The following TTLL6 variants were observed in gnomAD, a reference collection of about 807,000 sequenced individuals.
TTLL6 encodes tubulin tyrosine ligase like 6.
TTLL6 carries 75 observed loss-of-function variants against 96.4 expected under a neutral mutation model. That is an observed-to-expected ratio of 0.78 (90% CI 0.65 to 0.94). The LOEUF is 0.94. Among genes scored for constraint, TTLL6 ranks in the 40% least tolerant of loss-of-function variants. TTLL6 has a pLI of 0.00. For missense variants in TTLL6, 1,030 were observed against 1,093.0 expected (o/e 0.94, Z 0.81); for synonymous variants, 411 against 419.4 (o/e 0.98, Z 0.24).
intron 1 of TTLL6, among the ~76,000 whole-genome samples, chr17:48,805,488 T>C (rs1009170608): frequency 2.0e-5 from 3 of 152,276 alleles, no homozygotes; most frequent in Admixed American, 1.3e-4. Flanking sequence ...AATGTGTAGC[T>C]GATTGAACAA....
intron 15 of TTLL6, among the ~76,000 whole-genome samples, chr17:48,763,927 G>A (rs2038539776): frequency 6.6e-6 from 1 of 152,128 alleles, no homozygotes; most frequent in Non-Finnish European, 1.5e-5. Context: ...TCGCGCCACT[G>A]CACTCCAGCC....
At chr17:48,774,108 A>AAAAAAAAAAAC (rs2038814796) in intron 13 of TTLL6, among the ~76,000 whole-genome samples, 1 of 130,490 alleles carries the variant, frequency 7.7e-6, no homozygotes, top group Non-Finnish European at 1.6e-5. Flanking sequence ...AAAAAAAAAA[A>AAAAAAAAAAAC]AAAACAAGAA....
At chr17:48,811,902 T>C (rs2039598113) in intron 1 of TTLL6, among the ~76,000 whole-genome samples, 1 of 152,164 alleles carries the variant, frequency 6.6e-6, no homozygotes, top group Non-Finnish European at 1.5e-5. Flanking sequence ...GGTTTTGCCA[T>C]GTTGGCCAGG....
At chr17:48,793,525 G>A (rs952614187) in intron 8 of TTLL6, among the ~76,000 whole-genome samples, 6 of 151,470 alleles carry the variant, frequency 4.0e-5, no homozygotes, top group Admixed American at 2.6e-4. Flanking sequence ...TCCGGGAGTC[G>A]AAACTTTTGC....
intron 9 of TTLL6, 44 bp from the exon 10 acceptor site, chr17:48,790,150 T>A: frequency 6.2e-7 from 1 of 1,602,698 alleles, no homozygotes; most frequent in South Asian, 1.1e-5. Context: ...CCGTCCAGAA[T>A]GAAAGCAGAG....
chr17:48,791,670 T>TGGAAAC (rs1381031375), intron 8 of TTLL6, 67 bp from the exon 9 acceptor site: 1 of 1,373,642 alleles, frequency 7.3e-7, no homozygotes, highest in Non-Finnish European at 1.0e-6. Flanking sequence ...CATGGCATGC[T>TGGAAAC]GGAAACCAGA....
chr17:48,777,857 G>A (rs2038908596), intron 13 of TTLL6, among the ~76,000 whole-genome samples: 1 of 152,180 alleles, frequency 6.6e-6, no homozygotes, highest in Admixed American at 6.5e-5. Context: ...GTTGCAGTGA[G>A]CCGAGACTGT....
chr17:48,780,379 A>G (rs936908603), intron 13 of TTLL6, among the ~76,000 whole-genome samples: 1 of 152,178 alleles, frequency 6.6e-6, no homozygotes, highest in African/African-American at 2.4e-5. Flanking sequence ...TAAATGGGAA[A>G]ACTGAGGTTT....
intron 10 of TTLL6, among the ~76,000 whole-genome samples, chr17:48,788,835 C>T (rs1215552043): frequency 6.6e-6 from 1 of 152,228 alleles, no homozygotes; most frequent in African/African-American, 2.4e-5. Flanking sequence ...CTGAGAAACA[C>T]TGTGCCATCC....
intron 1 of TTLL6, among the ~76,000 whole-genome samples, chr17:48,808,074 G>A (rs1197641731): frequency 6.6e-6 from 1 of 151,928 alleles, no homozygotes; most frequent in Non-Finnish European, 1.5e-5. Flanking sequence ...TCCTGACCTC[G>A]TGATCCGCCT....
Position 48,817,153 on chromosome 17 carries a change from C to T in TTLL6, c.-81G>A. The stretch of plus-strand genomic sequence containing the variant: ...CGGCCCTCATATTTGCATACGGGGC[C>T]TTCTAGGCCTTCGATTGGCCCCTGC... On this transcript the variant is annotated 5_prime_UTR_variant, in exon 1 of 16. Coordinates refer to ENST00000393382, the MANE Select transcript of TTLL6 (RefSeq NM_001130918.3). 1 of 1,008,106 alleles carries T rather than the reference C, an allele frequency of 9.9e-7. No homozygotes were observed. The highest frequency in any genetic ancestry group is 1.4e-6 in the Non-Finnish European group (1 of 707,276). 62.4% of individuals were successfully genotyped at this position (1,008,106 alleles called of 1,614,324 possible).
intron 1 of TTLL6, among the ~76,000 whole-genome samples, chr17:48,810,995 C>G (rs1243718508): frequency 6.7e-6 from 1 of 149,716 alleles, no homozygotes; most frequent in Non-Finnish European, 1.5e-5. Context: ...CCAGTCTGCC[C>G]CAATGCCCAA....
At position 48,816,997 on chromosome 17, in the gene TTLL6, C is replaced by T; in HGVS notation, c.76G>A (p.Gly26Arg). 1.9e-6 allele frequency: 3 copies of T among 1,541,250 alleles called. No individual in the cohort carries two copies. In the Admixed American group the frequency reaches 6.0e-5, roughly 31 times the overall value. ...VVASWTSSPA[G>R]RDGGVGIAGA... The stretch of plus-strand genomic sequence containing the variant: ...GCAATTCCTACTCCCCCGTCTCGCC[C>T]CGCTGGGCTGCTAGTCCAGCTTGCA... The change falls in exon 1 of 16, where the codon GGG becomes AGG. Residue 26 changes from glycine to arginine, a missense_variant. Coordinates refer to ENST00000393382, the MANE Select transcript of TTLL6 (RefSeq NM_001130918.3).
chr17:48,814,283 C>T (rs1407472864), intron 1 of TTLL6, among the ~76,000 whole-genome samples: 1 of 148,208 alleles, frequency 6.7e-6, no homozygotes, highest in Non-Finnish European at 1.5e-5. Context: ...CGCACCACTG[C>T]CCTCCAGTCT....
chr17:48,809,175 A>G (rs2039545615), intron 1 of TTLL6, among the ~76,000 whole-genome samples: 1 of 152,180 alleles, frequency 6.6e-6, no homozygotes, highest in Non-Finnish European at 1.5e-5. Context: ...GCTGCCACTT[A>G]TAGGCAAGAC....
rs1387714791 is a variant in TTLL6 at position 48,797,061 on chromosome 17, C to A, written c.912G>T (p.Leu304=). Reference sequence around the variant, plus strand: ...GAGGTAGTGTGTCTCCTTAGCTCACCAGGTTGTCTGTGCAAGGGCGGGAGT... The same window carrying A: ...GAGGTAGTGTGTCTCCTTAGCTCACAAGGTTGTCTGTGCAAGGGCGGGAGT... ...TSYSRPCTDN[L]DDICMHLTNY... The change falls in exon 7 of 16, where the codon CTG becomes CTT. Residue 304 remains leucine (L), a splice_region_variant and synonymous_variant. Transcript: ENST00000393382. The A allele has an allele frequency of 6.5e-7, 1 of 1,550,358 alleles. No homozygotes were observed. The highest frequency in any genetic ancestry group is 2.0e-5 in the Admixed American group (1 of 50,822).
intron 11 of TTLL6, 44 bp downstream of exon 11, chr17:48,787,767 T>A: frequency 6.4e-7 from 1 of 1,564,846 alleles, no homozygotes; most frequent in Non-Finnish European, 8.7e-7. Context: ...TCACACACAA[T>A]CCCCAGAACC....
chr17:48,777,049 C>CACACACACACACA (rs55732600), intron 13 of TTLL6, among the ~76,000 whole-genome samples: 1 of 147,610 alleles, frequency 6.8e-6, no homozygotes, highest in African/African-American at 2.5e-5. Context: ...CACACACACA[C>CACACACACACACA]CCCTAAAAAA....
In TTLL6 at chr17:48,797,171, G is replaced by GT. The variant is rs749130143; in HGVS notation, c.801dup (p.Arg268ThrfsTer10). 2 of 1,551,458 alleles carry GT rather than the reference G, an allele frequency of 1.3e-6. No individual in the cohort carries two copies. Among genetic ancestry groups the GT allele is most frequent in the Non-Finnish European group, 1.7e-6 (2 of 1,146,912 alleles). ...CAGGATGTCACCAGTACATAAATCCGTAGGTCAAACTTAAACCCATCAATG... is the reference window on the plus strand; with the variant it reads ...CAGGATGTCACCAGTACATAAATCCGTTAGGTCAAACTTAAACCCATCAATG... On this transcript the variant is annotated frameshift_variant, in exon 7 of 16. Transcript: ENST00000393382. LOFTEE classifies it high-confidence loss of function.
Sources: gnomAD v4.1 joint callset for allele counts (sites outside exome capture counted in the v4.1 genomes callset) on GRCh38, gnomAD v4.1.1 for gene constraint, MANE v1.5 for transcripts, NCBI Gene and HGNC (gene_info 2026-07-23, HGNC 2026-07-21) for gene names.